The following LINGO2 variants were observed in gnomAD, a reference collection of about 807,000 sequenced individuals.
LINGO2 encodes leucine rich repeat and Ig domain containing 2.
In LINGO2, 14 loss-of-function variants were observed where a neutral mutation model predicts 30.6. The ratio of observed to expected loss-of-function variants is 0.46; its 90% confidence interval spans 0.30 to 0.72. LINGO2 has a LOEUF of 0.72. Among genes scored for constraint, LINGO2 ranks in the 30% least tolerant of loss-of-function variants. The pLI, the probability that LINGO2 is intolerant of heterozygous loss-of-function variation, is 0.07. For synonymous variants in LINGO2, 317 were observed against 288.5 expected, an observed-to-expected ratio of 1.10 and a Z score of -1.00; for missense variants, 729 against 751.7, an observed-to-expected ratio of 0.97 and a Z score of 0.35.
intron 2 of LINGO2, among the ~76,000 whole-genome samples, chr9:28,396,722 T>C (rs1482908228): frequency 2.9e-5 from 1 of 34,634 alleles, no homozygotes; most frequent in Non-Finnish European, 7.0e-5. Flanking sequence ...AAAAAAAAAG[T>C]CCTGACCAAA....
chr9:29,142,898 C>A, the LINGO2 span, among the ~76,000 whole-genome samples: 2 of 151,852 alleles, frequency 1.3e-5, no homozygotes, highest in African/African-American at 4.8e-5. Context: ...ACAGAAAATT[C>A]TAAAGATTAC....
chr9:28,764,215 T>C, the LINGO2 span, among the ~76,000 whole-genome samples: 14 of 151,530 alleles, frequency 9.2e-5, no homozygotes, highest in East Asian at 2.5e-3. Flanking sequence ...AAATGAAAAC[T>C]ACAGGCCAGT....
intron 1 of LINGO2, among the ~76,000 whole-genome samples, chr9:28,609,201 T>C (rs1231218791): frequency 6.7e-6 from 1 of 149,374 alleles, no homozygotes; most frequent in Non-Finnish European, 1.5e-5. Context: ...TCGAGGAAAG[T>C]AAAACAATGT....
the LINGO2 span, among the ~76,000 whole-genome samples, chr9:28,900,900 A>G: frequency 5.9e-5 from 9 of 152,206 alleles, no homozygotes; most frequent in African/African-American, 2.2e-4. Flanking sequence ...AACTACCAGG[A>G]AACAATTCAA....
chr9:29,004,225 C>T, the LINGO2 span, among the ~76,000 whole-genome samples: 3 of 151,448 alleles, frequency 2.0e-5, no homozygotes, highest in Non-Finnish European at 4.4e-5. Flanking sequence ...TGTGATATTT[C>T]TCTCTCTCTT....
chr9:28,778,145 C>T, the LINGO2 span, among the ~76,000 whole-genome samples: 1 of 152,148 alleles, frequency 6.6e-6, no homozygotes, highest in African/African-American at 2.4e-5. Flanking sequence ...CCTACTTAAG[C>T]AAGCAGTTCC....
chr9:28,864,336 G>A, the LINGO2 span, among the ~76,000 whole-genome samples: 1 of 151,930 alleles, frequency 6.6e-6, no homozygotes, highest in Non-Finnish European at 1.5e-5. Flanking sequence ...TGAAGTCCAA[G>A]AATGTTTATA....
chr9:28,519,346 T>C, intron 1 of LINGO2, among the ~76,000 whole-genome samples: 1 of 152,152 alleles, frequency 6.6e-6, no homozygotes. Flanking sequence ...CACAAGATCT[T>C]GTATTTTTCT....
chr9:28,919,236 T>C, the LINGO2 span, among the ~76,000 whole-genome samples: 1 of 152,136 alleles, frequency 6.6e-6, no homozygotes, highest in Non-Finnish European at 1.5e-5. Context: ...TGAGTTTACT[T>C]CCATTTAACC....
At chr9:28,663,318 C>T (rs945711745) in intron 1 of LINGO2, among the ~76,000 whole-genome samples, 24 of 152,008 alleles carry the variant, frequency 1.6e-4, no homozygotes, top group Admixed American at 1.3e-4. Flanking sequence ...CTACAGGTGC[C>T]GGCCAACATG....
At chr9:28,174,708 A>G (rs1165145767) in intron 4 of LINGO2, among the ~76,000 whole-genome samples, 1 of 152,180 alleles carries the variant, frequency 6.6e-6, no homozygotes, top group East Asian at 1.9e-4. Flanking sequence ...GAATGCATGA[A>G]CACTTTTTTA....
chr9:28,891,769 T>A, the LINGO2 span, among the ~76,000 whole-genome samples: 2 of 142,600 alleles, frequency 1.4e-5, no homozygotes. Context: ...TAGAGAATAC[T>A]CATGCAATTT....
the LINGO2 span, among the ~76,000 whole-genome samples, chr9:28,832,559 C>T: frequency 1.3e-5 from 2 of 152,086 alleles, no homozygotes; most frequent in South Asian, 2.1e-4. Flanking sequence ...CTTGGGATAA[C>T]ATAAAGACTT....
chr9:28,474,767 A>G (rs1452515881), intron 2 of LINGO2, among the ~76,000 whole-genome samples: 1 of 152,162 alleles, frequency 6.6e-6, no homozygotes, highest in African/African-American at 2.4e-5. Context: ...CCAGTGCTGT[A>G]TGGTCAGCTG....
chr9:28,020,667 T>C (rs1032017188), intron 4 of LINGO2, among the ~76,000 whole-genome samples: 2 of 152,244 alleles, frequency 1.3e-5, no homozygotes, highest in African/African-American at 4.8e-5. Context: ...TGGAACCATC[T>C]GGGCCTGGTG....
At chr9:28,465,597 C>T (rs1825268902) in intron 2 of LINGO2, among the ~76,000 whole-genome samples, 1 of 152,100 alleles carries the variant, frequency 6.6e-6, no homozygotes, top group Non-Finnish European at 1.5e-5. Flanking sequence ...CAATATTTCC[C>T]TGCTTCCTGT....
At chr9:28,490,671 A>G (rs1201312621) in intron 1 of LINGO2, among the ~76,000 whole-genome samples, 2 of 152,210 alleles carry the variant, frequency 1.3e-5, no homozygotes, top group Admixed American at 1.3e-4. Context: ...CTAATGGCCA[A>G]TATAAACCTA....
At chr9:28,580,059 C>A (rs146225829) in intron 1 of LINGO2, among the ~76,000 whole-genome samples, 115 of 152,136 alleles carry the variant, frequency 7.6e-4, no homozygotes, top group African/African-American at 2.6e-3. Context: ...GCTTTAATTG[C>A]TATAGCAAAA....
chr9:28,166,778 C>CA (rs1473231570), intron 4 of LINGO2, among the ~76,000 whole-genome samples: 9 of 150,522 alleles, frequency 6.0e-5, no homozygotes, highest in African/African-American at 2.2e-4. Context: ...TATTTCTCGG[C>CA]AAAAAACAAA....
Sources: gnomAD v4.1 joint callset for allele counts (sites outside exome capture counted in the v4.1 genomes callset) on GRCh38, gnomAD v4.1.1 for gene constraint, MANE v1.5 for transcripts, NCBI Gene and HGNC (gene_info 2026-07-23, HGNC 2026-07-21) for gene names.